ARSB: variants seen among roughly 807,000 people sequenced by gnomAD.
ARSB encodes arylsulfatase B.
A neutral mutation model predicts 50.9 loss-of-function variants in ARSB; 41 were observed. The observed-to-expected ratio is 0.81, with a 90% confidence interval of 0.63 to 1.04. The LOEUF is 1.04. ARSB is among the 50% of genes least tolerant of loss of function. The pLI is 0.00. For synonymous variants in ARSB, 269 were observed against 284.8 expected (o/e 0.94, Z 0.56); for missense variants, 672 against 693.3 (o/e 0.97, Z 0.35).
intron 4 of ARSB, among the ~76,000 whole-genome samples, chr5:78,893,059 C>G (rs1748392272): frequency 6.6e-6 from 1 of 152,176 alleles, no homozygotes; most frequent in African/African-American, 2.4e-5. Context: ...AATTGAATCA[C>G]AGGGGCAGAT....
chr5:78,883,690 C>T (rs1747867689), intron 5 of ARSB: 1 of 152,118 alleles, frequency 6.6e-6, no homozygotes, highest in South Asian at 2.1e-4. Context: ...GAGGACCTTC[C>T]CTAGTCTCAC....
intron 3 of ARSB, 36 bp from the exon 4 acceptor site, chr5:78,955,538 T>C (rs367872827): frequency 1.3e-6 from 2 of 1,531,650 alleles, no homozygotes; most frequent in African/African-American, 1.4e-5. Context: ...GTTAAGAGGA[T>C]ATTGAAGCAT....
intron 5 of ARSB, among the ~76,000 whole-genome samples, chr5:78,862,601 C>G (rs1746499038): frequency 6.6e-6 from 1 of 152,102 alleles, no homozygotes; most frequent in South Asian, 2.1e-4. Flanking sequence ...AAAATTAATT[C>G]AAGATGGATT....
chr5:78,840,164 T>C (rs945070601), intron 5 of ARSB, among the ~76,000 whole-genome samples: 1 of 152,188 alleles, frequency 6.6e-6, no homozygotes, highest in Non-Finnish European at 1.5e-5. Flanking sequence ...GGGAGCACAA[T>C]AGGCACCCAG....
intron 5 of ARSB, among the ~76,000 whole-genome samples, chr5:78,864,525 T>C (rs1422745535): frequency 6.6e-6 from 1 of 152,092 alleles, no homozygotes; most frequent in East Asian, 1.9e-4. Flanking sequence ...CCAGATGAGA[T>C]CTGGTGGGGA....
intron 4 of ARSB, among the ~76,000 whole-genome samples, chr5:78,908,130 G>A (rs1300771909): frequency 6.6e-6 from 1 of 152,154 alleles, no homozygotes; most frequent in Non-Finnish European, 1.5e-5. Flanking sequence ...AATGAGGTGT[G>A]CGCAGATGCA....
intron 4 of ARSB, among the ~76,000 whole-genome samples, chr5:78,936,044 CCT>C (rs1440397149): frequency 5.2e-5 from 6 of 114,594 alleles, no homozygotes; most frequent in Admixed American, 1.7e-4. Flanking sequence ...CACCTCCCTC[CCT>C]CTCTCTTTCC....
chr5:78,933,717 T>C (rs1442121059), intron 4 of ARSB, among the ~76,000 whole-genome samples: 1 of 152,204 alleles, frequency 6.6e-6, no homozygotes, highest in Non-Finnish European at 1.5e-5. Context: ...AGTGACTGCA[T>C]GGAATTATGG....
intron 5 of ARSB, among the ~76,000 whole-genome samples, chr5:78,853,785 C>T (rs1002179560): frequency 1.3e-5 from 2 of 152,218 alleles, no homozygotes; most frequent in Admixed American, 6.5e-5. Context: ...CCCCCAGCCT[C>T]GCTGCCGCCT....
chr5:78,934,992 T>G (rs1750514680), intron 4 of ARSB, among the ~76,000 whole-genome samples: 1 of 152,108 alleles, frequency 6.6e-6, no homozygotes, highest in South Asian at 2.1e-4. Flanking sequence ...CAAAATGACC[T>G]TTAAGCATCA....
chr5:78,957,477 C>T (rs1450087284), intron 3 of ARSB, among the ~76,000 whole-genome samples: 3 of 152,170 alleles, frequency 2.0e-5, no homozygotes, highest in Non-Finnish European at 2.9e-5. Context: ...AAAATAGCTG[C>T]TAAATGTCAA....
intron 3 of ARSB, among the ~76,000 whole-genome samples, chr5:78,962,233 C>T (rs1054997891): frequency 3.9e-5 from 6 of 152,198 alleles, no homozygotes. Context: ...TCTCTTAAGA[C>T]TTTACCTTGT....
intron 4 of ARSB, among the ~76,000 whole-genome samples, chr5:78,918,082 G>A (rs981157165): frequency 1.3e-5 from 2 of 152,164 alleles, no homozygotes; most frequent in African/African-American, 4.8e-5. Context: ...AGATGTATTA[G>A]TAAATAGGCT....
chr5:78,791,561 T>A (rs1268042767), intron 6 of ARSB, among the ~76,000 whole-genome samples: 1 of 152,198 alleles, frequency 6.6e-6, no homozygotes, highest in African/African-American at 2.4e-5. Context: ...CCAGGCCGCA[T>A]CTGAGCGACT....
intron 4 of ARSB, among the ~76,000 whole-genome samples, chr5:78,935,713 T>A (rs1364767456): frequency 6.6e-6 from 1 of 152,224 alleles, no homozygotes; most frequent in Non-Finnish European, 1.5e-5. Flanking sequence ...TCAGTATGTG[T>A]CAGGAAGTGC....
At chr5:78,954,651 C>G (rs1360237023) in intron 4 of ARSB, among the ~76,000 whole-genome samples, 1 of 152,102 alleles carries the variant, frequency 6.6e-6, no homozygotes, top group Non-Finnish European at 1.5e-5. Flanking sequence ...ACTACATGCA[C>G]TCGCCACCAT....
intron 3 of ARSB, among the ~76,000 whole-genome samples, chr5:78,963,855 T>C (rs1185947445): frequency 6.6e-6 from 1 of 152,112 alleles, no homozygotes; most frequent in African/African-American, 2.4e-5. Flanking sequence ...ATATAGAAAT[T>C]GACTAGATGA....
chr5:78,914,961 C>T (rs925294177), intron 4 of ARSB, among the ~76,000 whole-genome samples: 2 of 152,182 alleles, frequency 1.3e-5, no homozygotes, highest in Non-Finnish European at 1.5e-5. Flanking sequence ...CACACCTGGC[C>T]TCATGAAAGT....
intron 5 of ARSB, among the ~76,000 whole-genome samples, chr5:78,862,749 C>A (rs1326433264): frequency 6.6e-6 from 1 of 152,112 alleles, no homozygotes; most frequent in East Asian, 1.9e-4. Context: ...CCAAAATAGA[C>A]AAATGGGATC....
Sources: allele counts gnomAD v4.1 joint callset (sites outside exome capture counted in the v4.1 genomes callset), GRCh38; gene constraint gnomAD v4.1.1; transcripts MANE v1.5; gene names NCBI Gene and HGNC (gene_info 2026-07-23, HGNC 2026-07-21).